KIAA1217: variants seen among roughly 807,000 people sequenced by gnomAD.
The protein encoded by KIAA1217 is KIAA1217.
In KIAA1217, 88 loss-of-function variants were observed where a neutral mutation model predicts 163.9. That is an observed-to-expected ratio of 0.54 (90% CI 0.45 to 0.64). The LOEUF is 0.64. KIAA1217 is among the 30% of genes least tolerant of loss of function. The pLI is 0.00. For missense variants in KIAA1217, 2,372 were observed against 2,475.0 expected (o/e 0.96, Z 0.88); for synonymous variants, 903 against 923.1 (o/e 0.98, Z 0.39).
At chr10:24,390,527 A>C (rs1227105703) in intron 3 of KIAA1217, among the ~76,000 whole-genome samples, 1 of 147,376 alleles carries the variant, frequency 6.8e-6, no homozygotes, top group Non-Finnish European at 1.5e-5. Flanking sequence ...GAAGGAAGGA[A>C]GGAAAATTAT....
intron 2 of KIAA1217, among the ~76,000 whole-genome samples, chr10:24,046,887 A>T (rs1336809447): frequency 1.3e-5 from 2 of 152,212 alleles, no homozygotes; most frequent in African/African-American, 4.8e-5. Flanking sequence ...TTCTACACAA[A>T]AAAGCAATTC....
At chr10:23,994,030 G>T (rs1018854576) in intron 1 of KIAA1217, among the ~76,000 whole-genome samples, 35 of 152,168 alleles carry the variant, frequency 2.3e-4, no homozygotes, top group African/African-American at 8.4e-4. Context: ...GGATGGGATA[G>T]CAAGTACCAA....
chr10:23,817,359 A>G (rs1424491860), intron 1 of KIAA1217, among the ~76,000 whole-genome samples: 1 of 152,216 alleles, frequency 6.6e-6, no homozygotes, highest in East Asian at 1.9e-4. Flanking sequence ...TTATTGAAAC[A>G]TTGCAAGAGA....
intron 1 of KIAA1217, among the ~76,000 whole-genome samples, chr10:23,988,517 A>G (rs759270985): frequency 6.6e-6 from 1 of 152,188 alleles, no homozygotes; most frequent in Non-Finnish European, 1.5e-5. Context: ...GAGTTTATAT[A>G]TTTCTGAACC....
intron 1 of KIAA1217, among the ~76,000 whole-genome samples, chr10:23,792,515 G>C (rs1836001848): frequency 6.6e-6 from 1 of 151,022 alleles, no homozygotes; most frequent in Non-Finnish European, 1.5e-5. Flanking sequence ...TTTTTGAGAT[G>C]GAGTCTCGCT....
chr10:24,300,201 T>C (rs2041139962), intron 2 of KIAA1217, among the ~76,000 whole-genome samples: 1 of 152,208 alleles, frequency 6.6e-6, no homozygotes, highest in Admixed American at 6.5e-5. Flanking sequence ...GCATTCAAAA[T>C]CTTTTAAATT....
intron 1 of KIAA1217, among the ~76,000 whole-genome samples, chr10:23,925,180 A>G (rs546216347): frequency 5.3e-4 from 81 of 152,182 alleles, no homozygotes; most frequent in African/African-American, 1.9e-3. Context: ...AAGGAGGAGG[A>G]AAAACAGCAG....
intron 2 of KIAA1217, among the ~76,000 whole-genome samples, chr10:24,044,969 C>T (rs909562462): frequency 6.6e-6 from 1 of 152,104 alleles, no homozygotes; most frequent in Non-Finnish European, 1.5e-5. Context: ...GAACAGGTAT[C>T]TCTTACTTTC....
chr10:23,714,663 C>G (rs894967156), intron 1 of KIAA1217, among the ~76,000 whole-genome samples: 7 of 152,146 alleles, frequency 4.6e-5, no homozygotes, highest in African/African-American at 1.7e-4. Flanking sequence ...CCCTTTGTGA[C>G]TGTTCCAAGA....
intron 2 of KIAA1217, among the ~76,000 whole-genome samples, chr10:24,299,556 G>A (rs949067705): frequency 2.5e-4 from 38 of 152,012 alleles, no homozygotes; most frequent in African/African-American, 9.2e-4. Flanking sequence ...GCACCACCAC[G>A]CCTGGCTAAT....
intron 2 of KIAA1217, among the ~76,000 whole-genome samples, chr10:24,309,619 G>A (rs1369422991): frequency 6.6e-6 from 1 of 152,160 alleles, no homozygotes; most frequent in Admixed American, 6.5e-5. Flanking sequence ...AATCATCGTA[G>A]TCTTGAGTCC....
At chr10:24,431,130 T>G (rs1464281899) in intron 3 of KIAA1217, among the ~76,000 whole-genome samples, 5 of 152,348 alleles carry the variant, frequency 3.3e-5, no homozygotes, top group Non-Finnish European at 7.3e-5. Flanking sequence ...ACTTCTTTGA[T>G]GTATGCTTTT....
chr10:24,230,563 C>T (rs1293792290), intron 2 of KIAA1217, among the ~76,000 whole-genome samples: 2 of 120,576 alleles, frequency 1.7e-5, no homozygotes, highest in Admixed American at 2.2e-4. Context: ...TGGAATGCAT[C>T]TTGGCAGGTG....
At chr10:24,406,392 A>AACACC (rs1554851658) in intron 3 of KIAA1217, among the ~76,000 whole-genome samples, 1 of 133,808 alleles carries the variant, frequency 7.5e-6, no homozygotes, top group Non-Finnish European at 1.5e-5. Flanking sequence ...TTCACACACA[A>AACACC]ACACACACAC....
intron 1 of KIAA1217, among the ~76,000 whole-genome samples, chr10:23,834,184 A>G (rs1214778797): frequency 2.6e-5 from 4 of 152,056 alleles, no homozygotes; most frequent in Non-Finnish European, 5.9e-5. Context: ...TATCTTTTCT[A>G]TCTGCTCACC....
rs141249613 is a variant in KIAA1217 at position 23,731,031 on chromosome 10, G to GA, written c.-321+35801dup. Among the ~76,000 whole-genome samples, 175 of 152,190 alleles carry GA rather than the reference G, an allele frequency of 1.1e-3. 11 individuals carry two copies. In the East Asian group the frequency reaches 0.027, roughly 23 times the overall value. ...CAGCTAGCACTTCCAGTTCAATGTT[G>GA]AAAAGGGGTGATAAGAGGGAACATG... On this transcript the variant is annotated intron_variant, in intron 1 of 18. Transcript: ENST00000376462.
chr10:23,875,831 A>G (rs905348439), intron 1 of KIAA1217, among the ~76,000 whole-genome samples: 8 of 151,698 alleles, frequency 5.3e-5, no homozygotes, highest in African/African-American at 1.9e-4. Flanking sequence ...CCATCATTCT[A>G]AGCAAACTAT....
At chr10:24,095,028 C>A (rs1045795044) in intron 2 of KIAA1217, among the ~76,000 whole-genome samples, 3 of 152,202 alleles carry the variant, frequency 2.0e-5, no homozygotes, top group Admixed American at 6.5e-5. Context: ...GGGCATAGGA[C>A]CCTCCGAGCC....
At chr10:24,467,880 C>G (rs2063118284) in intron 5 of KIAA1217, among the ~76,000 whole-genome samples, 1 of 151,132 alleles carries the variant, frequency 6.6e-6, no homozygotes, top group African/African-American at 2.4e-5. Flanking sequence ...TAATTTTCTC[C>G]CACAAGGTCT....
Sources: gnomAD v4.1 joint callset for allele counts (sites outside exome capture counted in the v4.1 genomes callset) on GRCh38, gnomAD v4.1.1 for gene constraint, MANE v1.5 for transcripts, NCBI Gene and HGNC (gene_info 2026-07-23, HGNC 2026-07-21) for gene names.